Variants in DIAPH2 observed in about 807,000 individuals in gnomAD.
DIAPH2 encodes the protein protein diaphanous homolog 2.
In DIAPH2, 35 loss-of-function variants were observed where a neutral mutation model predicts 92.7. The observed-to-expected ratio is 0.38, with a 90% CI of 0.29 to 0.50. The LOEUF (loss-of-function observed/expected upper bound fraction) is 0.50. Ranked by LOEUF, DIAPH2 falls within the 20% of genes least tolerant of loss-of-function variation. The pLI is 0.94. For synonymous variants in DIAPH2, 301 were observed against 280.4 expected (o/e 1.07, Z -0.73); for missense variants, 701 against 819.5 (o/e 0.86, Z 1.77).
At position 96,723,180 on chromosome X, in the gene DIAPH2, C is replaced by G. The variant is rs771589870; in HGVS notation, c.133-12578C>G. On this transcript the variant is annotated intron_variant, in intron 1 of 26. Transcript: ENST00000324765. ...CAGTGAATACCTGAAAATGAAGAGACCTTTTAACCTGGTGGGTCAAGTTTG... is the reference window on the plus strand; with the variant it reads ...CAGTGAATACCTGAAAATGAAGAGAGCTTTTAACCTGGTGGGTCAAGTTTG... 3.6e-5 allele frequency among the ~76,000 whole-genome samples: 4 copies of G among 111,810 alleles called. No homozygotes were observed. In the East Asian group the frequency reaches 8.5e-4, roughly 24 times the overall value.
chrX:96,727,274 T>C (rs2064025556), intron 1 of DIAPH2, among the ~76,000 whole-genome samples: 1 of 112,202 alleles, frequency 8.9e-6, no homozygotes, highest in Non-Finnish European at 1.9e-5. Flanking sequence ...AAATAAAAGA[T>C]TGTACACGTG....
At chrX:97,523,753 AT>A (rs202040202) in intron 26 of DIAPH2, among the ~76,000 whole-genome samples, 10,319 of 111,452 alleles carry the variant, frequency 0.093, 510 homozygotes, top group Non-Finnish European at 0.14. Flanking sequence ...CCATTTTGTA[AT>A]TTTTTTATGA....
intron 23 of DIAPH2, among the ~76,000 whole-genome samples, chrX:97,264,452 C>T (rs2068318178): frequency 9.0e-6 from 1 of 111,689 alleles, no homozygotes; most frequent in Non-Finnish European, 1.9e-5. Flanking sequence ...CACACACACA[C>T]ATGCTATACA....
chrX:97,384,195 T>A, intron 25 of DIAPH2, 151 bp downstream of exon 25: 1 of 476,217 alleles, frequency 2.1e-6, no homozygotes, highest in Non-Finnish European at 3.5e-6. Context: ...TATGTGTGGT[T>A]TCCTATCTCC....
At chrX:96,970,980 A>G (rs747954284) in intron 17 of DIAPH2, among the ~76,000 whole-genome samples, 1 of 112,195 alleles carries the variant, frequency 8.9e-6, no homozygotes, top group Non-Finnish European at 1.9e-5. Flanking sequence ...CTGTAAAGGC[A>G]TAAAATTTCT....
At chrX:97,276,326 C>CT (rs2068451684) in intron 23 of DIAPH2, among the ~76,000 whole-genome samples, 3 of 111,381 alleles carry the variant, frequency 2.7e-5, no homozygotes, top group South Asian at 3.8e-4. Context: ...TTTAAAATAA[C>CT]TTTTTTTTAA....
intron 26 of DIAPH2, among the ~76,000 whole-genome samples, chrX:97,545,533 A>AATATAT (rs72373635): frequency 1.8e-4 from 14 of 79,338 alleles, no homozygotes; most frequent in African/African-American, 6.4e-4. Context: ...AAAAAAAAAA[A>AATATAT]ATATATATAT....
intron 26 of DIAPH2, among the ~76,000 whole-genome samples, chrX:97,445,737 C>A (rs1022476939): frequency 9.0e-6 from 1 of 110,641 alleles, no homozygotes; most frequent in African/African-American, 3.3e-5. Flanking sequence ...CGTGAGCCAC[C>A]ACACCCAGCC....
chrX:97,310,340 G>T (rs776275870), intron 23 of DIAPH2, among the ~76,000 whole-genome samples: 3 of 112,011 alleles, frequency 2.7e-5, no homozygotes, highest in African/African-American at 9.7e-5. Flanking sequence ...TTATGTAATA[G>T]TAAGGAAAAA....
chrX:97,300,944 A>AT (rs2068694599), intron 23 of DIAPH2, among the ~76,000 whole-genome samples: 1 of 50,848 alleles, frequency 2.0e-5, no homozygotes, highest in Non-Finnish European at 4.0e-5. Flanking sequence ...AAAAAAAAAA[A>AT]AAAAAAAAAA....
chrX:97,272,001 CT>C (rs1171723251), intron 23 of DIAPH2, among the ~76,000 whole-genome samples: 2 of 107,235 alleles, frequency 1.9e-5, no homozygotes, highest in Admixed American at 1.0e-4. Flanking sequence ...ATGTTAAAAA[CT>C]TTTTTTTTTC....
chrX:97,333,330 C>A (rs905627621), intron 23 of DIAPH2, among the ~76,000 whole-genome samples: 2 of 111,473 alleles, frequency 1.8e-5, no homozygotes, highest in East Asian at 5.6e-4. Context: ...ATTTCACTAT[C>A]CCAGTATTTC....
At chrX:97,165,665 T>C (rs750629176) in intron 22 of DIAPH2, among the ~76,000 whole-genome samples, 4 of 109,023 alleles carry the variant, frequency 3.7e-5, no homozygotes, top group East Asian at 5.8e-4. Flanking sequence ...AGCAATTTTT[T>C]TTTTTTTTTG....
chrX:97,375,465 C>G (rs778564792), intron 24 of DIAPH2, among the ~76,000 whole-genome samples: 20 of 110,457 alleles, frequency 1.8e-4, no homozygotes, highest in Non-Finnish European at 3.8e-4. Context: ...TCAAAAAAAA[C>G]AAAAACAAAC....
At chrX:96,789,075 T>C (rs1363711802) in intron 4 of DIAPH2, among the ~76,000 whole-genome samples, 5 of 112,209 alleles carry the variant, frequency 4.5e-5, no homozygotes, top group Admixed American at 3.8e-4. Context: ...TACAGTGACA[T>C]AGTAGAGATG....
chrX:97,558,360 T>G (rs1225071861), intron 26 of DIAPH2, among the ~76,000 whole-genome samples: 1 of 111,965 alleles, frequency 8.9e-6, no homozygotes, highest in Non-Finnish European at 1.9e-5. Flanking sequence ...AACTGGACAG[T>G]GTAGTGAGGA....
intron 19 of DIAPH2, among the ~76,000 whole-genome samples, chrX:97,077,992 G>A (rs1022345002): frequency 1.8e-5 from 2 of 111,589 alleles, no homozygotes; most frequent in African/African-American, 6.5e-5. Context: ...TTCAAAATTT[G>A]TTTCAGTATA....
chrX:96,711,263 A>T (rs1602444500), intron 1 of DIAPH2, among the ~76,000 whole-genome samples: 2 of 112,063 alleles, frequency 1.8e-5, no homozygotes, highest in South Asian at 7.4e-4. Flanking sequence ...ACTGTTTTCC[A>T]TAGTGGTTGT....
intron 5 of DIAPH2, among the ~76,000 whole-genome samples, chrX:96,896,434 C>T (rs2065345228): frequency 9.0e-6 from 1 of 111,539 alleles, no homozygotes; most frequent in African/African-American, 3.2e-5. Flanking sequence ...TATTAGGAAG[C>T]TCTGTATTCT....
Sources: allele counts gnomAD v4.1 joint callset (sites outside exome capture counted in the v4.1 genomes callset), GRCh38; gene constraint gnomAD v4.1.1; transcripts MANE v1.5; gene names NCBI Gene and HGNC (gene_info 2026-07-23, HGNC 2026-07-21).